The following ADAMTSL1 variants were observed in gnomAD, a reference collection of about 807,000 sequenced individuals.
ADAMTSL1 encodes ADAMTS-like protein 1.
In ADAMTSL1, 126 loss-of-function variants were observed where a neutral mutation model predicts 201.8. The ratio of observed to expected loss-of-function variants is 0.62; its 90% CI spans 0.54 to 0.72. The LOEUF is 0.72. ADAMTSL1 is among the 30% of genes least tolerant of loss of function. ADAMTSL1 has a pLI of 0.00. For missense variants in ADAMTSL1, 2,679 were observed against 2,277.8 expected, an observed-to-expected ratio of 1.18 and a Z score of -3.59; for synonymous variants, 1,121 against 903.4, an observed-to-expected ratio of 1.24 and a Z score of -4.32.
intron 1 of ADAMTSL1, among the ~76,000 whole-genome samples, chr9:18,119,458 G>A (rs1227612933): frequency 1.3e-5 from 2 of 151,880 alleles, no homozygotes; most frequent in African/African-American, 4.8e-5. Context: ...GTGCCACCAC[G>A]CCCAGCTAAT....
chr9:18,354,871 C>T (rs7031026), intron 2 of ADAMTSL1, among the ~76,000 whole-genome samples: 87,500 of 151,880 alleles, frequency 0.58, 25,393 homozygotes, highest in East Asian at 0.61. Context: ...CTTGGGAAGC[C>T]GAGGCAGGAT....
chr9:17,933,657 A>G (rs1457803290), intron 1 of ADAMTSL1, among the ~76,000 whole-genome samples: 1 of 152,150 alleles, frequency 6.6e-6, no homozygotes, highest in Non-Finnish European at 1.5e-5. Flanking sequence ...GAAACTTACA[A>G]TCATGGCAAA....
chr9:18,368,081 A>AT (rs1182666323), intron 2 of ADAMTSL1, among the ~76,000 whole-genome samples: 28 of 148,270 alleles, frequency 1.9e-4, no homozygotes, highest in African/African-American at 4.2e-4. Context: ...TTTTTTTTTA[A>AT]TTTTTTTTTA....
chr9:18,674,898 A>G (rs751428557), intron 9 of ADAMTSL1, among the ~76,000 whole-genome samples: 11 of 152,168 alleles, frequency 7.2e-5, no homozygotes, highest in Non-Finnish European at 1.6e-4. Flanking sequence ...TCCAAAACCC[A>G]TGAATCATTA....
At chr9:18,280,902 G>T (rs182847822) in intron 2 of ADAMTSL1, among the ~76,000 whole-genome samples, 15 of 145,304 alleles carry the variant, frequency 1.0e-4, no homozygotes, top group Admixed American at 5.6e-4. Flanking sequence ...CTGAGACAAG[G>T]TCTCACTCTG....
chr9:18,281,779 A>C (rs1832799670), intron 2 of ADAMTSL1, among the ~76,000 whole-genome samples: 1 of 152,118 alleles, frequency 6.6e-6, no homozygotes, highest in Non-Finnish European at 1.5e-5. Context: ...TGTTTTGCTC[A>C]GGCTGGTCTT....
intron 23 of ADAMTSL1, among the ~76,000 whole-genome samples, chr9:18,832,549 T>C (rs1282679991): frequency 2.6e-5 from 4 of 152,048 alleles, no homozygotes; most frequent in Non-Finnish European, 4.4e-5. Context: ...GTGGGAGAGA[T>C]TTAATGAAGA....
intron 12 of ADAMTSL1, 58 bp from the exon 13 acceptor site, chr9:18,684,658 T>A (rs1830713790): frequency 3.6e-5 from 56 of 1,544,606 alleles, no homozygotes; most frequent in Non-Finnish European, 4.6e-5. Flanking sequence ...GGAATTTTCC[T>A]AAAATCCCAG....
chr9:18,461,385 T>G (rs530737262), intron 2 of ADAMTSL1, among the ~76,000 whole-genome samples: 1 of 152,274 alleles, frequency 6.6e-6, no homozygotes, highest in East Asian at 1.9e-4. Context: ...AAATTGTATG[T>G]ATTTATGGTT....
chr9:18,610,750 A>T (rs1425345829), intron 4 of ADAMTSL1, among the ~76,000 whole-genome samples: 1 of 152,148 alleles, frequency 6.6e-6, no homozygotes, highest in Non-Finnish European at 1.5e-5. Context: ...GGGGACATAG[A>T]TAAATCCCTC....
rs1830261071 is a variant in ADAMTSL1, at chr9:18,905,652, G to T, written c.4852-130G>T. The T allele has an allele frequency of 2.6e-5, 17 of 662,180 alleles. No homozygotes were observed. In the East Asian group the frequency reaches 4.7e-4, roughly 18 times the overall value. 41.0% of individuals were successfully genotyped at this position (662,180 alleles called of 1,614,324 possible). A position where few individuals can be genotyped will look rare whatever the true frequency, so the allele number is the denominator to read the frequency against. On this transcript the variant is annotated intron_variant, in intron 26 of 28. Transcript: ENST00000380548. ...TGTCTTTTAGTTAGCCCAAAGAGGG[G>T]AAAGATGAATGGTCTGAGAGCCTCC...
At chr9:18,488,498 T>C (rs917977942) in intron 1 of ADAMTSL1, among the ~76,000 whole-genome samples, 1 of 152,118 alleles carries the variant, frequency 6.6e-6, no homozygotes, top group Non-Finnish European at 1.5e-5. Flanking sequence ...ACCACAGAAA[T>C]AGTGGTTAAG....
chr9:18,350,327 A>G (rs1835911367), intron 2 of ADAMTSL1, among the ~76,000 whole-genome samples: 1 of 152,080 alleles, frequency 6.6e-6, no homozygotes, highest in Non-Finnish European at 1.5e-5. Context: ...GCTGCTGCTA[A>G]GGGCAGGGGG....
intron 2 of ADAMTSL1, among the ~76,000 whole-genome samples, chr9:18,398,728 C>A (rs772298677): frequency 1.3e-5 from 2 of 152,098 alleles, no homozygotes; most frequent in Non-Finnish European, 2.9e-5. Flanking sequence ...ATCTTATAGG[C>A]TGTTTTAATA....
rs534440264 is a variant in ADAMTSL1 at position 18,179,039 on chromosome 9, C to T, written c.207+15058C>T. 4.5e-4 allele frequency among the ~76,000 whole-genome samples: 68 copies of T among 152,036 alleles called. 1 individual carries two copies. Among genetic ancestry groups the T allele is most frequent in the Admixed American group, 1.2e-3 (18 of 15,290 alleles). On this transcript the variant is annotated intron_variant, in intron 2 of 29. Transcript: ENST00000680146. ...AAAGCTGGACGGAGAATGACTTTGA[C>T]GAGCTGAGAGAAGAAGGCTTCAGAC...
At chr9:18,628,393 C>T (rs13292378) in intron 5 of ADAMTSL1, among the ~76,000 whole-genome samples, 18,484 of 152,058 alleles carry the variant, frequency 0.12, 1,381 homozygotes, top group Middle Eastern at 0.18. Context: ...AATCTATTGC[C>T]GTTTCTCTGA....
intron 17 of ADAMTSL1, 52 bp from the exon 18 acceptor site, chr9:18,775,691 T>A: frequency 6.3e-7 from 1 of 1,585,416 alleles, no homozygotes; most frequent in Non-Finnish European, 8.6e-7. Context: ...ATTAAAAAAT[T>A]AGCTTCTAGT....
intron 7 of ADAMTSL1, among the ~76,000 whole-genome samples, chr9:18,641,324 A>G (rs948694123): frequency 4.6e-5 from 7 of 152,098 alleles, no homozygotes; most frequent in Non-Finnish European, 7.4e-5. Context: ...ATATCTCCAT[A>G]AGAAGAACCT....
chr9:18,549,366 C>A (rs1432293957), intron 3 of ADAMTSL1, among the ~76,000 whole-genome samples: 1 of 151,952 alleles, frequency 6.6e-6, no homozygotes, highest in African/African-American at 2.4e-5. Flanking sequence ...ATTTTGTACT[C>A]TCAACTTTCA....
Sources: gnomAD v4.1 joint callset for allele counts (sites outside exome capture counted in the v4.1 genomes callset) on GRCh38, gnomAD v4.1.1 for gene constraint, MANE v1.5 for transcripts, NCBI Gene and HGNC (gene_info 2026-07-23, HGNC 2026-07-21) for gene names.